Variants in CNBD1 observed in about 807,000 individuals in gnomAD.
The protein encoded by CNBD1 is cyclic nucleotide-binding domain-containing protein 1.
Under a neutral mutation model 54.4 loss-of-function variants are expected in CNBD1, and 71 were observed. That is an observed-to-expected ratio of 1.30 (90% CI 1.08 to 1.59). The LOEUF (loss-of-function observed/expected upper bound fraction) is 1.59. Among genes scored for constraint, CNBD1 ranks in the 40% most tolerant of loss-of-function variants. The probability of loss-of-function intolerance (pLI) is 0.00; values close to 1 mark genes in which losing one functional copy is unlikely to be tolerated. For synonymous variants in CNBD1, 182 were observed against 170.7 expected (o/e 1.07, Z -0.51); for missense variants, 659 against 518.0 (o/e 1.27, Z -2.64).
At chr8:87,186,321 T>C (rs1410675433) in intron 4 of CNBD1, among the ~76,000 whole-genome samples, 1 of 152,128 alleles carries the variant, frequency 6.6e-6, no homozygotes, top group African/African-American at 2.4e-5. Flanking sequence ...GCATAATATT[T>C]ATAATTTCAT....
At chr8:87,406,706 C>T (rs1807659521) in intron 2 of CNBD1, among the ~76,000 whole-genome samples, 1 of 152,004 alleles carries the variant, frequency 6.6e-6, no homozygotes, top group African/African-American at 2.4e-5. Context: ...TCTCAAACTG[C>T]TGACCTTGTG....
chr8:86,920,934 G>C (rs2131824487), intron 3 of CNBD1, among the ~76,000 whole-genome samples: 1 of 151,976 alleles, frequency 6.6e-6, no homozygotes, highest in South Asian at 2.1e-4. Flanking sequence ...TGTATGCATA[G>C]TCTAGATGGC....
chr8:87,195,575 T>A (rs1227252909), intron 4 of CNBD1, among the ~76,000 whole-genome samples: 5 of 151,556 alleles, frequency 3.3e-5, no homozygotes, highest in African/African-American at 1.2e-4. Flanking sequence ...TTTTTTTTTT[T>A]TTTAATTTTT....
chr8:87,317,380 T>A (rs1809411780), intron 8 of CNBD1, among the ~76,000 whole-genome samples: 3 of 151,738 alleles, frequency 2.0e-5, no homozygotes, highest in Non-Finnish European at 4.4e-5. Context: ...ATTATCTTTT[T>A]GTTTTCATCT....
chr8:87,234,787 G>A (rs1167453020), intron 5 of CNBD1, among the ~76,000 whole-genome samples: 1 of 152,034 alleles, frequency 6.6e-6, no homozygotes, highest in Non-Finnish European at 1.5e-5. Context: ...TCACCATCAC[G>A]AGCTGTATGT....
intron 5 of CNBD1, among the ~76,000 whole-genome samples, chr8:87,221,662 A>G (rs1226674529): frequency 6.6e-6 from 1 of 152,080 alleles, no homozygotes; most frequent in Non-Finnish European, 1.5e-5. Context: ...GCCTCTTATA[A>G]TTATATACTT....
chr8:87,087,246 CGT>C (rs1491216003), intron 4 of CNBD1, among the ~76,000 whole-genome samples: 1 of 133,090 alleles, frequency 7.5e-6, no homozygotes, highest in Non-Finnish European at 1.6e-5. Context: ...TATATATATA[CGT>C]ATATATATAT....
At chr8:87,232,522 A>G (rs753572834) in intron 5 of CNBD1, among the ~76,000 whole-genome samples, 5 of 152,172 alleles carry the variant, frequency 3.3e-5, no homozygotes, top group Non-Finnish European at 5.9e-5. Flanking sequence ...TCTGATTTGT[A>G]TAAGTATGGG....
At chr8:87,388,472 C>A (rs1203845272) in intron 2 of CNBD1, among the ~76,000 whole-genome samples, 3 of 152,110 alleles carry the variant, frequency 2.0e-5, no homozygotes, top group Non-Finnish European at 4.4e-5. Context: ...ACTATAAACA[C>A]CTCTACGCAA....
downstream of CNBD1, among the ~76,000 whole-genome samples, chr8:87,386,077 T>C (rs553121279): frequency 1.3e-3 from 190 of 151,828 alleles, no homozygotes; most frequent in African/African-American, 4.4e-3. Context: ...GAAGGAAAAC[T>C]AACAGAAAGG....
intron 4 of CNBD1, among the ~76,000 whole-genome samples, chr8:86,957,879 A>G (rs931830317): frequency 6.6e-6 from 1 of 151,862 alleles, no homozygotes; most frequent in African/African-American, 2.4e-5. Context: ...TAGCTTTTGA[A>G]TGTGTTTGCC....
At chr8:87,058,868 G>T (rs550845253) in intron 4 of CNBD1, among the ~76,000 whole-genome samples, 19 of 152,284 alleles carry the variant, frequency 1.2e-4, no homozygotes, top group Admixed American at 5.9e-4. Context: ...TGTTACTTAT[G>T]CAAATTTATG....
At chr8:87,081,490 TTTTTTGTTTTTTTTG>T (rs1389331772) in intron 4 of CNBD1, among the ~76,000 whole-genome samples, 3 of 148,350 alleles carry the variant, frequency 2.0e-5, no homozygotes, top group East Asian at 2.0e-4. Context: ...GGGTGGACTA[TTTTTTGTTTTTTTTG>T]TTTTTGTTTT....
At chr8:87,175,902 A>T (rs1209966493) in intron 4 of CNBD1, among the ~76,000 whole-genome samples, 1 of 152,134 alleles carries the variant, frequency 6.6e-6, no homozygotes, top group African/African-American at 2.4e-5. Context: ...GAGTGCTGGG[A>T]TGGGTGATTC....
intron 8 of CNBD1, among the ~76,000 whole-genome samples, chr8:87,304,041 C>A (rs897904141): frequency 3.9e-5 from 6 of 152,146 alleles, no homozygotes; most frequent in Non-Finnish European, 5.9e-5. Context: ...ATTGGTGGGA[C>A]TGTAAACTAG....
At chr8:87,370,651 CA>C (rs1477835742) in intron 10 of CNBD1, among the ~76,000 whole-genome samples, 1 of 151,494 alleles carries the variant, frequency 6.6e-6, no homozygotes, top group Non-Finnish European at 1.5e-5. Context: ...GAGTAGGTTG[CA>C]AAAATTTTCT....
chr8:87,175,943 C>T (rs1162772151), intron 4 of CNBD1, among the ~76,000 whole-genome samples: 9 of 152,154 alleles, frequency 5.9e-5, no homozygotes, highest in East Asian at 1.9e-4. Context: ...TGAATACCCC[C>T]TCCATTGGTG....
At chr8:87,253,848 T>C (rs1807956758) in intron 6 of CNBD1, among the ~76,000 whole-genome samples, 1 of 152,034 alleles carries the variant, frequency 6.6e-6, no homozygotes, top group Non-Finnish European at 1.5e-5. Flanking sequence ...TAAATAGTCA[T>C]GAGGATTTCA....
chr8:86,953,159 A>T (rs1019170602), intron 4 of CNBD1, among the ~76,000 whole-genome samples: 1 of 152,210 alleles, frequency 6.6e-6, no homozygotes, highest in Non-Finnish European at 1.5e-5. Context: ...GCTATTATGA[A>T]TGAAGCTGCC....
Sources: allele counts gnomAD v4.1 joint callset (sites outside exome capture counted in the v4.1 genomes callset), GRCh38; gene constraint gnomAD v4.1.1; transcripts MANE v1.5; gene names NCBI Gene and HGNC (gene_info 2026-07-23, HGNC 2026-07-21).